The following PLEKHH2 variants were observed in gnomAD, a reference collection of about 807,000 sequenced individuals.
PLEKHH2 encodes pleckstrin homology domain-containing family H member 2.
PLEKHH2 carries 129 observed loss-of-function variants against 187.9 expected under a neutral mutation model. That is an observed-to-expected ratio of 0.69 (90% CI 0.59 to 0.79). The LOEUF is 0.79. PLEKHH2 is among the 30% of genes least tolerant of loss of function. PLEKHH2 has a pLI of 0.00. For missense variants in PLEKHH2, 2,076 were observed against 1,751.2 expected, an observed-to-expected ratio of 1.19 and a Z score of -3.31; for synonymous variants, 686 against 605.6, an observed-to-expected ratio of 1.13 and a Z score of -1.95.
At chr2:43,712,147 T>A in intron 14 of PLEKHH2, 78 bp from the exon 15 acceptor site, 1 of 1,525,318 alleles carries the variant, frequency 6.6e-7, no homozygotes, top group Non-Finnish European at 9.0e-7. Flanking sequence ...TAATGACGTT[T>A]GAATAATGAA....
chr2:43,742,926 A>G lies in PLEKHH2; in HGVS notation c.3399+8A>G. ...ATGAATGGGATATACCAGGTAGGTTACCTGATGAAAATATGCTTAGCCAAC... is the reference window on the plus strand; with the variant it reads ...ATGAATGGGATATACCAGGTAGGTTGCCTGATGAAAATATGCTTAGCCAAC... On this transcript the variant is annotated splice_region_variant and intron_variant, in intron 22 of 29. Transcript: ENST00000282406. 6.7e-7 allele frequency: 1 copy of G among 1,489,724 alleles called. No homozygotes were observed. The highest frequency in any genetic ancestry group is 9.0e-7 in the Non-Finnish European group (1 of 1,117,318). The allele number at this position is 1,489,724 out of a possible 1,614,324, so 92.3% of individuals were successfully genotyped here.
At chr2:43,754,090 G>A (rs1213908550) in intron 25 of PLEKHH2, among the ~76,000 whole-genome samples, 1 of 151,564 alleles carries the variant, frequency 6.6e-6, no homozygotes, top group Non-Finnish European at 1.5e-5. Flanking sequence ...AGTCTAATAG[G>A]AGTAAGTCCT....
At chr2:43,745,609 T>G (rs775499169) in intron 23 of PLEKHH2, among the ~76,000 whole-genome samples, 14 of 152,220 alleles carry the variant, frequency 9.2e-5, no homozygotes, top group Non-Finnish European at 1.6e-4. Flanking sequence ...CAGGCAGTCC[T>G]ACATTACAGT....
intron 2 of PLEKHH2, among the ~76,000 whole-genome samples, chr2:43,660,447 T>C (rs1667009755): frequency 1.4e-5 from 2 of 146,862 alleles, no homozygotes; most frequent in Admixed American, 1.3e-4. Flanking sequence ...TTTTTTTTTT[T>C]TTTTTTTGCC....
chr2:43,683,383 C>T lies in PLEKHH2; in HGVS notation c.186+4458C>T, dbSNP rs995181004. On this transcript the variant is annotated intron_variant, in intron 3 of 29. Transcript: ENST00000282406. ...CAAACTCCTGATTTCAGGTGATCCG[C>T]CCACCTTGGCCTCCCAGAGTGCTGG... is the stretch of plus-strand genomic sequence containing the variant. Among the ~76,000 whole-genome samples the T allele has an allele frequency of 2.6e-5, 4 of 152,030 alleles. No individual in the cohort carries two copies. The South Asian group carries it at 8.3e-4, about 31-fold the overall frequency.
intron 20 of PLEKHH2, chr2:43,740,745 A>T: frequency 1.0e-6 from 1 of 969,068 alleles, no homozygotes; most frequent in South Asian, 3.8e-5. Context: ...CATACACACA[A>T]CTAGATGGAT....
rs543796164 is a variant in PLEKHH2, at chr2:43,727,225, C to A, written c.2721+774C>A. ...TCAGGAAGATCGAGACCATCTTGGCCAACATGGTGAAACTCTGTCTCTACT... is the reference window on the plus strand; with the variant it reads ...TCAGGAAGATCGAGACCATCTTGGCAAACATGGTGAAACTCTGTCTCTACT... On this transcript the variant is annotated intron_variant, in intron 17 of 29. Transcript: ENST00000282406. Among the ~76,000 whole-genome samples the A allele has an allele frequency of 2.0e-5, 3 of 152,098 alleles. No individual in the cohort carries two copies. The South Asian group carries it at 6.2e-4, about 32-fold the overall frequency.
intron 3 of PLEKHH2, among the ~76,000 whole-genome samples, chr2:43,684,832 A>AAAAAGAG (rs1261363624): frequency 6.6e-6 from 1 of 152,024 alleles, no homozygotes; most frequent in Non-Finnish European, 1.5e-5. Flanking sequence ...AAAAAAAAAA[A>AAAAAGAG]AAAAGAGAGA....
At position 43,738,524 on chromosome 2, in the gene PLEKHH2, G is replaced by C. The variant is rs762457351; in HGVS notation, c.3123+4G>C. 20 of 1,601,038 alleles carry C rather than the reference G, an allele frequency of 1.2e-5. No homozygotes were observed. The East Asian group carries it at 4.5e-4, about 36-fold the overall frequency. ...GAATCAACCAGGACCATTGCAGGTAGATATTAATATTGATACATATACATG... is the reference window on the plus strand; with the variant it reads ...GAATCAACCAGGACCATTGCAGGTACATATTAATATTGATACATATACATG... On this transcript the variant is annotated splice_donor_region_variant and intron_variant, in intron 20 of 29. Coordinates refer to ENST00000282406, the MANE Select transcript of PLEKHH2 (RefSeq NM_172069.4).
chr2:43,674,235 T>A (rs1158748003), intron 2 of PLEKHH2, among the ~76,000 whole-genome samples: 2 of 152,306 alleles, frequency 1.3e-5, no homozygotes, highest in East Asian at 3.9e-4. Context: ...TTAAGAGAAC[T>A]ATTTTTTTCA....
At chr2:43,702,761 G>T (rs1442885278) in intron 8 of PLEKHH2, among the ~76,000 whole-genome samples, 2 of 151,976 alleles carry the variant, frequency 1.3e-5, no homozygotes, top group Non-Finnish European at 2.9e-5. Context: ...TTAAGGCATA[G>T]CCTATCCTTA....
chr2:43,692,660 G>A lies in PLEKHH2; in HGVS notation c.333G>A (p.Glu111=), dbSNP rs142261716. 640 of 1,612,844 alleles carry A rather than the reference G, an allele frequency of 4.0e-4. 2 individuals carry two copies. The African/African-American group carries it at 7.7e-3, about 19-fold the overall frequency. ...AAAACTTGGAATTGCAACTTGAAGA[G>A]CAGGTTAGGAAGAATTTGATAAAGA... The part of the protein sequence containing the change: ...VIQNLELQLE[E]QKQIRIQEAK... The change falls in exon 4 of 30, where the codon GAG becomes GAA. Residue 111 remains glutamate (E), a synonymous_variant. Coordinates refer to ENST00000282406, the MANE Select transcript of PLEKHH2 (RefSeq NM_172069.4).
At chr2:43,721,724 A>C (rs1346380193) in intron 16 of PLEKHH2, among the ~76,000 whole-genome samples, 1 of 152,062 alleles carries the variant, frequency 6.6e-6, no homozygotes, top group African/African-American at 2.4e-5. Flanking sequence ...TGTCTCTACA[A>C]AAAATTTAAA....
chr2:43,745,984 A>G (rs780485534), intron 24 of PLEKHH2, 21 bp downstream of exon 24: 1 of 1,486,436 alleles, frequency 6.7e-7, no homozygotes, highest in East Asian at 2.3e-5. Flanking sequence ...CTGCATCCAG[A>G]TGCCAAAGTA....
chr2:43,688,223 C>T (rs1261932443), intron 3 of PLEKHH2, among the ~76,000 whole-genome samples: 2 of 152,198 alleles, frequency 1.3e-5, no homozygotes, highest in African/African-American at 4.8e-5. Flanking sequence ...ACCAACTATG[C>T]ATCCAACAAT....
At chr2:43,684,858 C>G (rs943566758) in intron 3 of PLEKHH2, among the ~76,000 whole-genome samples, 5 of 151,062 alleles carry the variant, frequency 3.3e-5, no homozygotes, top group Non-Finnish European at 7.4e-5. Context: ...ACAAATCTCT[C>G]AGAGTTTCCA....
intron 23 of PLEKHH2, among the ~76,000 whole-genome samples, chr2:43,745,082 G>A (rs1057129843): frequency 6.6e-6 from 1 of 152,128 alleles, no homozygotes; most frequent in Non-Finnish European, 1.5e-5. Flanking sequence ...GGGAGGCCAA[G>A]GCAGGCAGAT....
chr2:43,680,526 T>C (rs1216939003), intron 3 of PLEKHH2: 2 of 156,104 alleles, frequency 1.3e-5, no homozygotes, highest in East Asian at 1.9e-4. Flanking sequence ...TTCCTTCAAC[T>C]TGAGTACTAC....
At chr2:43,676,530 G>A (rs1667803556) in intron 2 of PLEKHH2, among the ~76,000 whole-genome samples, 1 of 151,900 alleles carries the variant, frequency 6.6e-6, no homozygotes, top group Admixed American at 6.6e-5. Flanking sequence ...GCGGGTGAGA[G>A]GTATACCAGG....
Sources: gnomAD v4.1 joint callset for allele counts (sites outside exome capture counted in the v4.1 genomes callset) on GRCh38, gnomAD v4.1.1 for gene constraint, MANE v1.5 for transcripts, NCBI Gene and HGNC (gene_info 2026-07-23, HGNC 2026-07-21) for gene names.